Variants in CHRM3 observed in about 807,000 individuals in gnomAD.
The protein encoded by CHRM3 is muscarinic acetylcholine receptor M3.
A neutral mutation model predicts 41.8 loss-of-function variants in CHRM3; 11 were observed. That is an observed-to-expected ratio of 0.26 (90% CI 0.17 to 0.44). The LOEUF is 0.44. Ranked by LOEUF, CHRM3 falls within the 20% of genes least tolerant of loss-of-function variation. CHRM3 has a pLI of 1.00. For synonymous variants in CHRM3, 297 were observed against 301.4 expected (o/e 0.99, Z 0.15); for missense variants, 571 against 745.4 (o/e 0.77, Z 2.72).
At chr1:239,436,932 G>A (rs565900483) in intron 1 of CHRM3, among the ~76,000 whole-genome samples, 2 of 152,088 alleles carry the variant, frequency 1.3e-5, no homozygotes, top group South Asian at 4.2e-4. Flanking sequence ...GACACCTCCA[G>A]TGAGGTGATC....
In CHRM3 at chr1:239,911,344, A is replaced by C. The variant is rs1303872435; in HGVS notation, c.*2120A>C. 3 of 167,064 alleles carry C rather than the reference A, an allele frequency of 1.8e-5. No individual in the cohort carries two copies. Among genetic ancestry groups the C allele is most frequent in the African/African-American group, 7.2e-5 (3 of 41,444 alleles). 10.3% of individuals were successfully genotyped at this position (167,064 alleles called of 1,614,324 possible). A position where few individuals can be genotyped will look rare whatever the true frequency, so the allele number is the denominator to read the frequency against. The stretch of plus-strand genomic sequence containing the variant: ...CAAGAAAGAAACAGACGATTTTCTA[A>C]TATGTACACAGCAAACTACAGAATG... On this transcript the variant is annotated 3_prime_UTR_variant, in exon 7 of 7. Transcript: ENST00000676153.
At chr1:239,650,578 T>G (rs931994102) in intron 4 of CHRM3, among the ~76,000 whole-genome samples, 24 of 152,144 alleles carry the variant, frequency 1.6e-4, no homozygotes, top group African/African-American at 5.8e-4. Context: ...GACAAAGTCT[T>G]AAACTTAATT....
chr1:239,892,917 G>A (rs1311286280), intron 6 of CHRM3, among the ~76,000 whole-genome samples: 1 of 152,202 alleles, frequency 6.6e-6, no homozygotes, highest in Admixed American at 6.5e-5. Context: ...TAGGAAAGAT[G>A]TCCACAATAT....
intron 5 of CHRM3, among the ~76,000 whole-genome samples, chr1:239,684,405 G>A (rs759860429): frequency 6.6e-6 from 1 of 151,980 alleles, no homozygotes; most frequent in South Asian, 2.1e-4. Context: ...AGAAAGGAAG[G>A]TGTATGGGCT....
chr1:239,695,281 A>T (rs1055154703), intron 5 of CHRM3, among the ~76,000 whole-genome samples: 10 of 152,122 alleles, frequency 6.6e-5, no homozygotes, highest in Non-Finnish European at 1.2e-4. Context: ...AAGTGCTGGG[A>T]TTACAGGTGT....
intron 2 of CHRM3, among the ~76,000 whole-genome samples, chr1:239,538,283 C>T (rs1170076658): frequency 6.6e-6 from 1 of 152,062 alleles, no homozygotes; most frequent in Non-Finnish European, 1.5e-5. Context: ...TATTATTTTC[C>T]TTTCCTTTCT....
At chr1:239,749,535 G>A (rs551342689) in intron 5 of CHRM3, among the ~76,000 whole-genome samples, 80 of 152,242 alleles carry the variant, frequency 5.3e-4, no homozygotes, top group African/African-American at 1.9e-3. Context: ...AGGTGTGGTA[G>A]CACGTGCCTG....
At chr1:239,518,244 G>A (rs1024559539) in intron 2 of CHRM3, among the ~76,000 whole-genome samples, 2 of 152,190 alleles carry the variant, frequency 1.3e-5, no homozygotes, top group Admixed American at 1.3e-4. Context: ...AAAGTAATCA[G>A]CTCATTAAAT....
chr1:239,888,167 C>T (rs775578926), intron 6 of CHRM3, among the ~76,000 whole-genome samples: 2 of 151,690 alleles, frequency 1.3e-5, no homozygotes, highest in African/African-American at 2.4e-5. Context: ...TTCAAGACCA[C>T]CCTGAGTAAC....
chr1:239,877,060 A>AGG (rs1306130988), intron 6 of CHRM3, among the ~76,000 whole-genome samples: 3 of 152,228 alleles, frequency 2.0e-5, no homozygotes, highest in African/African-American at 7.2e-5. Flanking sequence ...AAGCAAATTT[A>AGG]GGTTAAAAAT....
chr1:239,817,874 C>T (rs180958155), intron 5 of CHRM3, among the ~76,000 whole-genome samples: 24 of 152,274 alleles, frequency 1.6e-4, no homozygotes, highest in African/African-American at 5.1e-4. Flanking sequence ...TTACTAGCCA[C>T]GCGACTTTAG....
At chr1:239,729,074 T>TA (rs1430687297) in intron 5 of CHRM3, among the ~76,000 whole-genome samples, 3 of 151,946 alleles carry the variant, frequency 2.0e-5, no homozygotes, top group East Asian at 3.9e-4. Flanking sequence ...ATTGCTGGTG[T>TA]AAAAGCAGTT....
intron 3 of CHRM3, among the ~76,000 whole-genome samples, chr1:239,558,688 C>T (rs1660599869): frequency 6.6e-6 from 1 of 152,104 alleles, no homozygotes; most frequent in Non-Finnish European, 1.5e-5. Context: ...CTGGGCTGGC[C>T]CATGTTCTCT....
chr1:239,520,443 C>T (rs1669565277), intron 2 of CHRM3, among the ~76,000 whole-genome samples: 1 of 152,010 alleles, frequency 6.6e-6, no homozygotes, highest in Non-Finnish European at 1.5e-5. Flanking sequence ...GGCTGTTGAA[C>T]GGTGTGGCAC....
At chr1:239,633,027 C>T (rs1313144791) in intron 4 of CHRM3, among the ~76,000 whole-genome samples, 2 of 152,244 alleles carry the variant, frequency 1.3e-5, no homozygotes, top group African/African-American at 2.4e-5. Context: ...GGCTGGAGTG[C>T]AGTGGCGCCA....
intron 6 of CHRM3, among the ~76,000 whole-genome samples, chr1:239,855,176 G>T (rs935502718): frequency 6.6e-6 from 1 of 152,124 alleles, no homozygotes; most frequent in Admixed American, 6.5e-5. Flanking sequence ...AATGATGAGT[G>T]TCCCTGTAAT....
chr1:239,856,824 C>T (rs931044697), intron 6 of CHRM3, among the ~76,000 whole-genome samples: 1 of 152,104 alleles, frequency 6.6e-6, no homozygotes, highest in African/African-American at 2.4e-5. Context: ...TAGAGAGGGG[C>T]ATCACTAGCT....
chr1:239,526,303 T>C (rs2148297052), intron 2 of CHRM3, among the ~76,000 whole-genome samples: 1 of 152,304 alleles, frequency 6.6e-6, no homozygotes, highest in Admixed American at 6.5e-5. Flanking sequence ...TTGTATGCTT[T>C]TTCTGATCTG....
chr1:239,905,568 A>G (rs899784960), intron 6 of CHRM3, among the ~76,000 whole-genome samples: 1 of 152,100 alleles, frequency 6.6e-6, no homozygotes, highest in Non-Finnish European at 1.5e-5. Flanking sequence ...TAGCCAGGCA[A>G]GGTGACACAT....
Sources: allele counts gnomAD v4.1 joint callset (sites outside exome capture counted in the v4.1 genomes callset), GRCh38; gene constraint gnomAD v4.1.1; transcripts MANE v1.5; gene names NCBI Gene and HGNC (gene_info 2026-07-23, HGNC 2026-07-21).